The following WDR25 variants were observed in gnomAD, a reference collection of about 807,000 sequenced individuals.
WDR25 encodes the protein WD repeat-containing protein 25.
In WDR25, 35 loss-of-function variants were observed where a neutral mutation model predicts 47.7. The ratio of observed to expected loss-of-function variants is 0.73; its 90% CI spans 0.56 to 0.97. The LOEUF (loss-of-function observed/expected upper bound fraction) is 0.97, where lower values mean the gene tolerates loss of function less well. WDR25 is among the 50% of genes least tolerant of loss of function. WDR25 has a pLI of 0.00. For synonymous variants in WDR25, 248 were observed against 278.9 expected (o/e 0.89, Z 1.10); for missense variants, 634 against 704.7 (o/e 0.90, Z 1.14).
chr14:100,395,041 C>T (rs1015781662), intron 2 of WDR25, among the ~76,000 whole-genome samples: 15 of 152,158 alleles, frequency 9.9e-5, no homozygotes, highest in African/African-American at 3.1e-4. Flanking sequence ...ACTGTGCATG[C>T]TGTGGGGCGG....
intron 2 of WDR25, among the ~76,000 whole-genome samples, chr14:100,435,661 A>ATTCG (rs1005800413): frequency 3.3e-5 from 5 of 150,078 alleles, no homozygotes; most frequent in African/African-American, 1.3e-4. Context: ...TCACTCAATC[A>ATTCG]TTCGTTCATT....
In WDR25 at chr14:100,449,533, A is replaced by C. The variant is rs1284063414; in HGVS notation, c.823-18488A>C. Among the ~76,000 whole-genome samples the C allele has an allele frequency of 6.6e-6, 1 of 152,208 alleles. No homozygotes were observed. Among genetic ancestry groups the C allele is most frequent in the Non-Finnish European group, 1.5e-5 (1 of 68,022 alleles). ...GGTCTCTGGAAAAGCTGAGGTCAGG[A>C]GGCCTGTGCCCTGGGACATGGCTAT... is the stretch of plus-strand genomic sequence containing the variant. On this transcript the variant is annotated intron_variant, in intron 2 of 6. Coordinates refer to ENST00000402312, the MANE Select transcript of WDR25 (RefSeq NM_001161476.3). This position sits in a 1 kb window ranked among gnomAD's most constrained non-coding sequence, Gnocchi z 4.2.
At chr14:100,459,743 C>T (rs1033215736) in intron 2 of WDR25, among the ~76,000 whole-genome samples, 3 of 151,462 alleles carry the variant, frequency 2.0e-5, no homozygotes, top group African/African-American at 7.3e-5. Flanking sequence ...TCAGAAGGAA[C>T]CAACCCTGCC....
chr14:100,520,003 T>C (rs1901660562), intron 4 of WDR25, among the ~76,000 whole-genome samples: 1 of 146,548 alleles, frequency 6.8e-6, no homozygotes, highest in African/African-American at 2.5e-5. Flanking sequence ...TGTGTATATA[T>C]ATGTACACTA....
At chr14:100,384,214 T>A (rs2140141924) in intron 2 of WDR25, among the ~76,000 whole-genome samples, 1 of 152,376 alleles carries the variant, frequency 6.6e-6, no homozygotes, top group East Asian at 1.9e-4. Context: ...ACCCTCTTTT[T>A]TTACTGTGGT....
intron 2 of WDR25, among the ~76,000 whole-genome samples, chr14:100,401,566 T>G (rs1255736271): frequency 1.3e-5 from 2 of 152,230 alleles, no homozygotes; most frequent in Non-Finnish European, 2.9e-5. Context: ...GATTGATCAC[T>G]TCTTCCTCCC....
intron 2 of WDR25, among the ~76,000 whole-genome samples, chr14:100,465,142 A>C (rs569218831): frequency 6.6e-6 from 1 of 151,674 alleles, no homozygotes; most frequent in African/African-American, 2.4e-5. Flanking sequence ...TTCACGTATA[A>C]ATGAGATCTG....
At chr14:100,413,576 G>T (rs1232259616) in intron 2 of WDR25, among the ~76,000 whole-genome samples, 1 of 152,042 alleles carries the variant, frequency 6.6e-6, no homozygotes, top group Non-Finnish European at 1.5e-5. Context: ...ACCACGCCCG[G>T]CTAATTTTTT....
At chr14:100,438,448 C>T (rs1898566514) in intron 2 of WDR25, among the ~76,000 whole-genome samples, 1 of 152,224 alleles carries the variant, frequency 6.6e-6, no homozygotes, top group South Asian at 2.1e-4. Flanking sequence ...TTTTAGCCCT[C>T]TGTGCTCCTG....
intron 2 of WDR25, among the ~76,000 whole-genome samples, chr14:100,433,216 C>T (rs956123959): frequency 6.6e-6 from 1 of 152,190 alleles, no homozygotes; most frequent in African/African-American, 2.4e-5. Flanking sequence ...CTTTAGTCTC[C>T]GTTAGTTTGA....
intron 4 of WDR25, among the ~76,000 whole-genome samples, chr14:100,501,790 G>C (rs1471488955): frequency 6.6e-6 from 1 of 152,194 alleles, no homozygotes; most frequent in Non-Finnish European, 1.5e-5. Context: ...CTTCCTGATG[G>C]ATGGAGAACT....
At chr14:100,380,225 T>G (rs1324137746) in intron 1 of WDR25, among the ~76,000 whole-genome samples, 1 of 151,864 alleles carries the variant, frequency 6.6e-6, no homozygotes, top group Non-Finnish European at 1.5e-5. Flanking sequence ...TTTTTGTATT[T>G]TTACTTGAGA....
chr14:100,420,689 A>G (rs560794690), intron 2 of WDR25, among the ~76,000 whole-genome samples: 4 of 152,352 alleles, frequency 2.6e-5, no homozygotes, highest in African/African-American at 7.2e-5. Flanking sequence ...AAAGGAAAAT[A>G]AAGATGCCCA....
intron 2 of WDR25, among the ~76,000 whole-genome samples, chr14:100,414,962 G>A (rs752835048): frequency 2.0e-5 from 3 of 151,858 alleles, no homozygotes; most frequent in East Asian, 1.9e-4. Flanking sequence ...AATAGGTCAC[G>A]AGGGGCTGGG....
intron 3 of WDR25, among the ~76,000 whole-genome samples, chr14:100,473,142 T>A: frequency 6.6e-6 from 1 of 152,222 alleles, no homozygotes; most frequent in East Asian, 1.9e-4. Context: ...TGACAGGTTA[T>A]CGAGCCCTTG....
chr14:100,467,965 G>A, intron 2 of WDR25, 56 bp from the exon 3 acceptor site: 2 of 1,608,134 alleles, frequency 1.2e-6, no homozygotes, highest in South Asian at 2.2e-5. Context: ...GTCGAGCTGA[G>A]CCCTGGAGAT....
chr14:100,487,722 CTT>C (rs773340698), intron 4 of WDR25: 16 of 152,346 alleles, frequency 1.1e-4, no homozygotes, highest in East Asian at 1.9e-4. Context: ...GTTTCTCTCT[CTT>C]GTTACAATCT....
intron 1 of WDR25, among the ~76,000 whole-genome samples, chr14:100,378,677 G>GAGAGAAAAGAGGGAA (rs1566878593): frequency 1.2e-5 from 1 of 86,474 alleles, no homozygotes; most frequent in Non-Finnish European, 3.4e-5. Context: ...GTTCCAGGCA[G>GAGAGAAAAGAGGGAA]GCCGGGCGCG....
Position 100,472,742 on chromosome 14 carries a change from CTCCTCCACATT to C in WDR25, c.970+4575_970+4585del, listed in dbSNP as rs1178912793. ...GGGCCATCATGGGTTCTCCCAGCAT[CTCCTCCACATT>C]CCCCTTCCTCCTGGTAATGGGACAA... On this transcript the variant is annotated intron_variant, in intron 3 of 6. Transcript: ENST00000402312. Among the ~76,000 whole-genome samples the C allele has an allele frequency of 2.6e-5, 4 of 152,380 alleles. No homozygotes were observed. The East Asian group carries it at 7.7e-4, about 29-fold the overall frequency.
Sources: gnomAD v4.1 joint callset for allele counts (sites outside exome capture counted in the v4.1 genomes callset) on GRCh38, gnomAD v4.1.1 for gene constraint, Gnocchi (gnomAD v3.1) non-coding constraint, MANE v1.5 for transcripts, NCBI Gene and HGNC (gene_info 2026-07-23, HGNC 2026-07-21) for gene names.